Variants in SULT1B1 observed in about 807,000 individuals in gnomAD.
The protein encoded by SULT1B1 is sulfotransferase 1B1.
A neutral mutation model predicts 34.6 loss-of-function variants in SULT1B1; 28 were observed. The observed-to-expected ratio is 0.81, with a 90% CI of 0.60 to 1.11. The LOEUF is 1.11. Ranked by LOEUF, SULT1B1 falls within the 50% of genes least tolerant of loss-of-function variation. SULT1B1 has a pLI of 0.00. For missense variants in SULT1B1, 374 were observed against 352.2 expected, an observed-to-expected ratio of 1.06 and a Z score of -0.50; for synonymous variants, 147 against 110.2, an observed-to-expected ratio of 1.33 and a Z score of -2.09.
At chr4:69,753,109 A>G (rs1719042521) in intron 3 of SULT1B1, among the ~76,000 whole-genome samples, 1 of 152,210 alleles carries the variant, frequency 6.6e-6, no homozygotes, top group South Asian at 2.1e-4. Flanking sequence ...ACAAGCTCCA[A>G]ATACCATCAT....
At chr4:69,755,326 A>G in intron 1 of SULT1B1, 65 bp from the exon 2 acceptor site, 2 of 1,266,032 alleles carry the variant, frequency 1.6e-6, no homozygotes, top group Non-Finnish European at 2.2e-6. Flanking sequence ...AGACACTGCA[A>G]TTTGTCACAA....
At chr4:69,750,051 AT>A (rs1718919514) in intron 3 of SULT1B1, among the ~76,000 whole-genome samples, 1 of 152,186 alleles carries the variant, frequency 6.6e-6, no homozygotes. Context: ...TCACTTAAGC[AT>A]TGTGAGACAC....
Position 69,721,244 on chromosome 4 carries a change from G to C in SULT1B1, c.*5844C>G, listed in dbSNP as rs941446991. On this transcript the variant is annotated 3_prime_UTR_variant, in exon 8 of 8. Transcript: ENST00000310613. ...ACTTCACTGCTGAAAGTAATGTCTC[G>C]ATAATGTGGAAATTTTACATATATA... 1.3e-5 allele frequency: 2 copies of C among 151,994 alleles called. No individual in the cohort carries two copies. Among genetic ancestry groups the C allele is most frequent in the Non-Finnish European group, 2.9e-5 (2 of 67,980 alleles). The allele number at this position is 151,994 out of a possible 1,614,324, so 9.4% of individuals were successfully genotyped here.
At chr4:69,735,131 A>G (rs1392168988) in intron 4 of SULT1B1, among the ~76,000 whole-genome samples, 1 of 152,036 alleles carries the variant, frequency 6.6e-6, no homozygotes, top group Non-Finnish European at 1.5e-5. Flanking sequence ...TGTATTCTTA[A>G]TGTCACTAAA....
rs1030998184 is a variant in SULT1B1, at chr4:69,724,364, A to G, written c.*2724T>C. The G allele has an allele frequency of 1.3e-5, 2 of 152,254 alleles. No homozygotes were observed. The highest frequency in any genetic ancestry group is 2.9e-5 in the Non-Finnish European group (2 of 68,056). 9.4% of individuals were successfully genotyped at this position (152,254 alleles called of 1,614,324 possible). ...GAACTACAAACCACTGCTCAATGAAATAAAAGAGGATACAAACAAATAGAA... is the reference window on the plus strand; with the variant it reads ...GAACTACAAACCACTGCTCAATGAAGTAAAAGAGGATACAAACAAATAGAA... On this transcript the variant is annotated 3_prime_UTR_variant, in exon 8 of 8. Coordinates refer to ENST00000310613, the MANE Select transcript of SULT1B1 (RefSeq NM_014465.4).
At chr4:69,735,061 G>T (rs540375492) in intron 4 of SULT1B1, among the ~76,000 whole-genome samples, 1 of 151,950 alleles carries the variant, frequency 6.6e-6, no homozygotes, top group Admixed American at 6.6e-5. Flanking sequence ...CTCATGATCC[G>T]CCCTCCTCGG....
At position 69,739,528 on chromosome 4, in the gene SULT1B1, T is replaced by G. The variant is rs530588437; in HGVS notation, c.376-5264A>C. Among the ~76,000 whole-genome samples the G allele has an allele frequency of 2.4e-4, 36 of 152,354 alleles. 1 individual carries two copies. Among genetic ancestry groups the G allele is most frequent in the African/African-American group, 7.2e-4 (30 of 41,590 alleles). ...GACACAGGTCACCAAGTCCCTAGACTGCACATAGCAGGAGGGCCCTGGGTC... is the reference window on the plus strand; with the variant it reads ...GACACAGGTCACCAAGTCCCTAGACGGCACATAGCAGGAGGGCCCTGGGTC... On this transcript the variant is annotated intron_variant, in intron 4 of 7. Coordinates refer to ENST00000310613, the MANE Select transcript of SULT1B1 (RefSeq NM_014465.4).
At chr4:69,738,654 G>C (rs1435211526) in intron 4 of SULT1B1, among the ~76,000 whole-genome samples, 1 of 152,042 alleles carries the variant, frequency 6.6e-6, no homozygotes, top group Non-Finnish European at 1.5e-5. Context: ...ATTCTTCCAT[G>C]GTCCCTCCCA....
intron 4 of SULT1B1, among the ~76,000 whole-genome samples, chr4:69,742,020 G>A (rs1002646414): frequency 1.3e-5 from 2 of 152,126 alleles, no homozygotes; most frequent in Non-Finnish European, 2.9e-5. Context: ...GTCATAGACT[G>A]CTCTTATTAT....
chr4:69,744,131 G>A (rs1718659406), intron 4 of SULT1B1, among the ~76,000 whole-genome samples: 1 of 152,122 alleles, frequency 6.6e-6, no homozygotes, highest in Non-Finnish European at 1.5e-5. Flanking sequence ...ACCCCTCTAT[G>A]CCCTTCCCTC....
chr4:69,730,787 A>G, intron 6 of SULT1B1, 106 bp from the exon 7 acceptor site: 1 of 958,056 alleles, frequency 1.0e-6, no homozygotes, highest in Non-Finnish European at 1.5e-6. Flanking sequence ...TGAATAGTAT[A>G]GGAAATCCAT....
chr4:69,739,378 T>C (rs1309087007), intron 4 of SULT1B1, among the ~76,000 whole-genome samples: 1 of 152,192 alleles, frequency 6.6e-6, no homozygotes, highest in Non-Finnish European at 1.5e-5. Flanking sequence ...CATCAATTCT[T>C]GACTTCAGTG....
At position 69,732,802 on chromosome 4, in the gene SULT1B1, A is replaced by C. The variant is rs184972752; in HGVS notation, c.597+611T>G. On this transcript the variant is annotated intron_variant, in intron 6 of 7. Coordinates refer to ENST00000310613, the MANE Select transcript of SULT1B1 (RefSeq NM_014465.4). The stretch of plus-strand genomic sequence containing the variant: ...GGAAGTAAAGGAGGGAATGTTTTGA[A>C]AGATACAATAGATACACTATCTGAA... 9.8e-4 allele frequency among the ~76,000 whole-genome samples: 149 copies of C among 151,868 alleles called. 1 individual carries two copies. Among genetic ancestry groups the C allele is most frequent in the African/African-American group, 3.4e-3 (142 of 41,426 alleles).
intron 4 of SULT1B1, among the ~76,000 whole-genome samples, chr4:69,735,252 C>G (rs1256781705): frequency 6.6e-6 from 1 of 152,110 alleles, no homozygotes; most frequent in Non-Finnish European, 1.5e-5. Flanking sequence ...TTTTTATCTC[C>G]TATATACTCT....
At chr4:69,729,435 C>T (rs532246633) in intron 7 of SULT1B1, among the ~76,000 whole-genome samples, 39 of 152,172 alleles carry the variant, frequency 2.6e-4, no homozygotes, top group African/African-American at 8.2e-4. Context: ...CATACATTTA[C>T]ATCTGTGTAT....
chr4:69,734,671 AC>A (rs945288859), intron 4 of SULT1B1, among the ~76,000 whole-genome samples: 5 of 152,194 alleles, frequency 3.3e-5, no homozygotes, highest in African/African-American at 1.2e-4. Flanking sequence ...TTCACTTTTC[AC>A]TTCTACCAGT....
rs976186222 is a variant in SULT1B1, at chr4:69,723,902, A to G, written c.*3186T>C. On this transcript the variant is annotated 3_prime_UTR_variant, in exon 8 of 8. Coordinates refer to ENST00000310613, the MANE Select transcript of SULT1B1 (RefSeq NM_014465.4). ...AAATAAGGAGAGCCCTCTATGACAA[A>G]CCACCAGCCAATATCATACTGCATG... The G allele has an allele frequency of 3.9e-5, 6 of 152,212 alleles. No individual in the cohort carries two copies. The highest frequency in any genetic ancestry group is 8.8e-5 in the Non-Finnish European group (6 of 68,050). The allele number at this position is 152,212 out of a possible 1,614,324, so 9.4% of individuals were successfully genotyped here. A position where few individuals can be genotyped will look rare whatever the true frequency, so the allele number is the denominator to read the frequency against.
chr4:69,758,526 A>T, intron 1 of SULT1B1: 1 of 959,228 alleles, frequency 1.0e-6, no homozygotes, highest in Non-Finnish European at 1.2e-6. Flanking sequence ...TCATTTCAAA[A>T]ATTGTCTATT....
At chr4:69,752,354 T>A (rs1719014752) in intron 3 of SULT1B1, among the ~76,000 whole-genome samples, 1 of 152,336 alleles carries the variant, frequency 6.6e-6, no homozygotes, top group East Asian at 1.9e-4. Flanking sequence ...TAAGATTTGC[T>A]GTATTTATGA....
Sources: gnomAD v4.1 joint callset for allele counts (sites outside exome capture counted in the v4.1 genomes callset) on GRCh38, gnomAD v4.1.1 for gene constraint, MANE v1.5 for transcripts, NCBI Gene and HGNC (gene_info 2026-07-23, HGNC 2026-07-21) for gene names.